Variants in GNG7 observed in about 807,000 individuals in gnomAD.
GNG7 encodes the protein guanine nucleotide-binding protein G(I)/G(S)/G(O) subunit gamma-7.
In GNG7, 1 loss-of-function variant was observed where a neutral mutation model predicts 4.0. The ratio of observed to expected loss-of-function variants is 0.25; its 90% CI spans 0.09 to 1.18. GNG7 has a LOEUF of 1.18. GNG7 is among the 50% of genes most tolerant of loss of function. GNG7 has a pLI of 0.50. For missense variants in GNG7, 86 were observed against 91.9 expected, an observed-to-expected ratio of 0.94 and a Z score of 0.26; for synonymous variants, 34 against 36.9, an observed-to-expected ratio of 0.92 and a Z score of 0.29.
At chr19:2,515,985 C>T (rs1466842558) in intron 4 of GNG7, among the ~76,000 whole-genome samples, 1 of 151,654 alleles carries the variant, frequency 6.6e-6, no homozygotes. Flanking sequence ...GAGGCGGAGG[C>T]GGGAGGATCA....
chr19:2,515,261 T>A (rs1179397601), intron 4 of GNG7, 114 bp from the exon 5 acceptor site: 1 of 1,339,698 alleles, frequency 7.5e-7, no homozygotes, highest in African/African-American at 1.5e-5. Context: ...AGGAGCCCAT[T>A]GATGGGGGCG....
At chr19:2,674,042 T>A (rs1983533328) in intron 1 of GNG7, among the ~76,000 whole-genome samples, 1 of 152,160 alleles carries the variant, frequency 6.6e-6, no homozygotes, top group African/African-American at 2.4e-5. Flanking sequence ...GGTGGGCGGA[T>A]CACCCAAGGT....
chr19:2,687,951 ACT>A (rs1374333876), intron 1 of GNG7, among the ~76,000 whole-genome samples: 1 of 123,124 alleles, frequency 8.1e-6, no homozygotes, highest in Non-Finnish European at 1.7e-5. Flanking sequence ...CAAGAACAAA[ACT>A]CTGCCTCCAG....
intron 2 of GNG7, among the ~76,000 whole-genome samples, chr19:2,595,768 G>A (rs1981000765): frequency 6.6e-6 from 1 of 151,850 alleles, no homozygotes; most frequent in South Asian, 2.1e-4. Flanking sequence ...ATTTAAAAAG[G>A]TAAAAAGCAG....
At chr19:2,628,845 G>A (rs553864024) in intron 2 of GNG7, among the ~76,000 whole-genome samples, 8 of 152,162 alleles carry the variant, frequency 5.3e-5, no homozygotes, top group South Asian at 2.1e-4. Context: ...AGGAATCTTC[G>A]TCGCATCTGC....
At chr19:2,568,686 TAC>T (rs1000968893) in intron 2 of GNG7, among the ~76,000 whole-genome samples, 3 of 148,334 alleles carry the variant, frequency 2.0e-5, no homozygotes, top group African/African-American at 5.0e-5. Flanking sequence ...TATATACACA[TAC>T]ACACATACAT....
chr19:2,548,464 G>C (rs1438205858), intron 3 of GNG7, among the ~76,000 whole-genome samples: 3 of 123,132 alleles, frequency 2.4e-5, no homozygotes, highest in Admixed American at 9.3e-5. Flanking sequence ...CCGGGCGACA[G>C]AGCGAGGCTC....
chr19:2,596,621 A>C (rs1417896804), intron 2 of GNG7, among the ~76,000 whole-genome samples: 1 of 151,240 alleles, frequency 6.6e-6, no homozygotes, highest in African/African-American at 2.4e-5. Flanking sequence ...GTGAGCCATG[A>C]TTATGCCACT....
At chr19:2,563,679 G>A (rs1319941404) in intron 2 of GNG7, among the ~76,000 whole-genome samples, 1 of 151,886 alleles carries the variant, frequency 6.6e-6, no homozygotes, top group African/African-American at 2.4e-5. Flanking sequence ...ATGGGGTTTC[G>A]CCATGTTGCC....
chr19:2,544,918 T>G lies in GNG7; in HGVS notation c.-38+10231A>C, dbSNP rs146298328. 8.5e-5 allele frequency among the ~76,000 whole-genome samples: 13 copies of G among 152,116 alleles called. No homozygotes were observed. In the East Asian group the frequency reaches 2.5e-3, roughly 30 times the overall value. ...GGGAGAAGACCCTGAGTTAATTATT[T>G]GGGGAAAATGGGGTTCAATCCCTAC... On this transcript the variant is annotated intron_variant, in intron 3 of 4. Transcript: ENST00000382159.
In GNG7 at chr19:2,515,094, G is replaced by A. The variant is rs748939802; in HGVS notation, c.135C>T (p.Asn45=). ...CAGGGACTCCGACCAGCAGGGGGTC[G>A]TTCCGGGCATGTTGCTCACAGTAGC... ...LMSYCEQHAR[N]DPLLVGVPAS... is the part of the protein sequence containing the mutation. Residue 45 remains asparagine, a synonymous_variant, in exon 5 of 5, where the codon AAC becomes AAT. Transcript: ENST00000382159. 9 of 1,613,746 alleles carry A rather than the reference G, an allele frequency of 5.6e-6. No individual in the cohort carries two copies. Among genetic ancestry groups the A allele is most frequent in the Middle Eastern group, 1.6e-4 (1 of 6,084 alleles).
chr19:2,628,348 T>A (rs1982070492), intron 2 of GNG7, among the ~76,000 whole-genome samples: 1 of 152,108 alleles, frequency 6.6e-6, no homozygotes. Context: ...AGGAATGAGG[T>A]CCCTGTTTAC....
At chr19:2,521,667 G>C (rs1027638616) in intron 3 of GNG7, among the ~76,000 whole-genome samples, 2 of 144,612 alleles carry the variant, frequency 1.4e-5, no homozygotes, top group Non-Finnish European at 1.5e-5. Flanking sequence ...AGGCTGGAGT[G>C]CAGTGGTGTG....
intron 2 of GNG7, among the ~76,000 whole-genome samples, chr19:2,603,628 G>A (rs911380364): frequency 2.0e-5 from 3 of 152,142 alleles, no homozygotes; most frequent in Admixed American, 1.3e-4. Flanking sequence ...GCGGGGCGGC[G>A]GCTAAATTTA....
At position 2,614,164 on chromosome 19, in the gene GNG7, G is replaced by C. The variant is rs548456164; in HGVS notation, c.-78+32060C>G. Reference sequence around the variant, plus strand: ...CTGGGAGCAGACTCAAGAGGCTCGAGAGGTCCCAGGAGGGCGGGAAGAGAG... The same window carrying C: ...CTGGGAGCAGACTCAAGAGGCTCGACAGGTCCCAGGAGGGCGGGAAGAGAG... On this transcript the variant is annotated intron_variant, in intron 2 of 4. Coordinates refer to ENST00000382159, the MANE Select transcript of GNG7 (RefSeq NM_052847.3). The surrounding 1 kb of genome is among the most constrained non-coding windows in gnomAD (Gnocchi z 6.0). 6.2e-4 allele frequency among the ~76,000 whole-genome samples: 94 copies of C among 152,310 alleles called. 1 individual carries two copies. In the South Asian group the frequency reaches 0.019, roughly 31 times the overall value.
intron 2 of GNG7, among the ~76,000 whole-genome samples, chr19:2,589,896 C>T (rs1980788859): frequency 6.6e-6 from 1 of 152,150 alleles, no homozygotes; most frequent in Admixed American, 6.5e-5. Context: ...ACTGCAACCT[C>T]CACCTCCCGG....
intron 2 of GNG7, among the ~76,000 whole-genome samples, chr19:2,590,438 C>T (rs1980803441): frequency 6.6e-6 from 1 of 152,054 alleles, no homozygotes; most frequent in Non-Finnish European, 1.5e-5. Context: ...TCTATTCATC[C>T]ATCCACCCAT....
intron 2 of GNG7, among the ~76,000 whole-genome samples, chr19:2,607,744 C>G (rs376098407): frequency 1.3e-5 from 2 of 152,146 alleles, no homozygotes; most frequent in East Asian, 3.8e-4. Context: ...CTCCGCCCCC[C>G]GCCCCTCCCA....
At chr19:2,526,244 A>C (rs1978391813) in intron 3 of GNG7, among the ~76,000 whole-genome samples, 1 of 151,726 alleles carries the variant, frequency 6.6e-6, no homozygotes, top group African/African-American at 2.4e-5. Flanking sequence ...TGCTGGGATT[A>C]AAGGCGTGAG....
Sources: allele counts gnomAD v4.1 joint callset (sites outside exome capture counted in the v4.1 genomes callset), GRCh38; gene constraint gnomAD v4.1.1; non-coding constraint Gnocchi (gnomAD v3.1); transcripts MANE v1.5; gene names NCBI Gene and HGNC (gene_info 2026-07-23, HGNC 2026-07-21).